Variants in MFHAS1 observed in about 807,000 individuals in gnomAD.
MFHAS1 encodes the protein malignant fibrous histiocytoma-amplified sequence 1.
MFHAS1 carries 50 observed loss-of-function variants against 70.4 expected under a neutral mutation model. The ratio of observed to expected loss-of-function variants is 0.71; its 90% confidence interval spans 0.57 to 0.90. MFHAS1 has a LOEUF of 0.90. Ranked by LOEUF, MFHAS1 falls within the 40% of genes least tolerant of loss-of-function variation. The pLI, the probability that MFHAS1 is intolerant of heterozygous loss-of-function variation, is 0.00. For synonymous variants in MFHAS1, 952 were observed against 620.0 expected (o/e 1.54, Z -7.96); for missense variants, 1,795 against 1,347.6 (o/e 1.33, Z -5.20).
At chr8:8,874,373 C>CACACAT (rs929974916) in intron 1 of MFHAS1, among the ~76,000 whole-genome samples, 31 of 148,424 alleles carry the variant, frequency 2.1e-4, no homozygotes, top group East Asian at 1.6e-3. Context: ...CACACACACA[C>CACACAT]ATAATAATCT....
chr8:8,814,952 A>G (rs1453551241), intron 1 of MFHAS1, among the ~76,000 whole-genome samples: 1 of 151,104 alleles, frequency 6.6e-6, no homozygotes, highest in African/African-American at 2.4e-5. Context: ...TGCTGCATAG[A>G]TCAACCCATC....
chr8:8,786,439 A>G (rs1371927262), intron 2 of MFHAS1, among the ~76,000 whole-genome samples: 1 of 152,178 alleles, frequency 6.6e-6, no homozygotes, highest in African/African-American at 2.4e-5. Flanking sequence ...GCAGACACAC[A>G]CCAAATAATC....
chr8:8,825,433 A>T (rs1400009937), intron 1 of MFHAS1, among the ~76,000 whole-genome samples: 2 of 152,212 alleles, frequency 1.3e-5, no homozygotes, highest in South Asian at 2.1e-4. Context: ...TCAGCCTCCC[A>T]AAGTGCTGGG....
chr8:8,797,152 A>G (rs1379510360), intron 2 of MFHAS1, among the ~76,000 whole-genome samples: 1 of 44,512 alleles, frequency 2.2e-5, no homozygotes, highest in Non-Finnish European at 5.2e-5. Context: ...AGCTAAAGTA[A>G]AAAAAAAAAA....
intron 1 of MFHAS1, among the ~76,000 whole-genome samples, chr8:8,865,399 A>G (rs1339417466): frequency 6.6e-6 from 1 of 152,152 alleles, no homozygotes; most frequent in Non-Finnish European, 1.5e-5. Context: ...GGCAAAAATC[A>G]GAAACTCCTG....
At chr8:8,841,920 A>G (rs1021884771) in intron 1 of MFHAS1, among the ~76,000 whole-genome samples, 4 of 152,146 alleles carry the variant, frequency 2.6e-5, no homozygotes, top group Non-Finnish European at 4.4e-5. Flanking sequence ...AGAAAGAGGG[A>G]TGTGTGTTCT....
intron 1 of MFHAS1, among the ~76,000 whole-genome samples, chr8:8,815,277 T>C (rs1806699222): frequency 6.6e-6 from 1 of 152,194 alleles, no homozygotes; most frequent in South Asian, 2.1e-4. Context: ...TGATGGGCAT[T>C]TGGGTTGATT....
At chr8:8,851,033 A>C (rs1416098265) in intron 1 of MFHAS1, among the ~76,000 whole-genome samples, 1 of 152,132 alleles carries the variant, frequency 6.6e-6, no homozygotes, top group Non-Finnish European at 1.5e-5. Flanking sequence ...AATCTCCTCG[A>C]CTTTATCACC....
chr8:8,875,833 C>T (rs571341318), intron 1 of MFHAS1, among the ~76,000 whole-genome samples: 65 of 152,284 alleles, frequency 4.3e-4, no homozygotes, highest in Non-Finnish European at 6.6e-4. Flanking sequence ...GTGATCCGCC[C>T]GCCTCGGCCT....
At position 8,891,912 on chromosome 8, in the gene MFHAS1, C is replaced by G. The variant is rs144338243; in HGVS notation, c.1147G>C (p.Glu383Gln). 4 of 1,610,290 alleles carry G rather than the reference C, an allele frequency of 2.5e-6. No homozygotes were observed. Among genetic ancestry groups the G allele is most frequent in the Non-Finnish European group, 3.4e-6 (4 of 1,178,108 alleles). ...TAGGGGATCCCCTTCATGCAGACCT[C>G]GTAGGGGGGCTGGATCAGTGGGTTG... ...KDNPLIQPPY[E>Q]VCMKGIPYIA... Residue 383 changes from glutamate (E) to glutamine (Q), a missense_variant, in exon 1 of 3, where the codon GAG becomes CAG. Transcript: ENST00000276282. The surrounding 1 kb of genome is among the most constrained non-coding windows in gnomAD (Gnocchi z 5.4).
At chr8:8,846,217 C>G (rs977793770) in intron 1 of MFHAS1, among the ~76,000 whole-genome samples, 52 of 138,952 alleles carry the variant, frequency 3.7e-4, no homozygotes, top group Admixed American at 1.7e-3. Context: ...CATGCCACTG[C>G]ACTCCAGCCT....
At chr8:8,877,424 G>A (rs2050809601) in intron 1 of MFHAS1, among the ~76,000 whole-genome samples, 1 of 151,634 alleles carries the variant, frequency 6.6e-6, no homozygotes, top group African/African-American at 2.4e-5. Flanking sequence ...AACTTAAACA[G>A]CCCACAATAA....
intron 1 of MFHAS1, among the ~76,000 whole-genome samples, chr8:8,823,691 C>G (rs1807049412): frequency 6.6e-6 from 1 of 150,564 alleles, no homozygotes; most frequent in Non-Finnish European, 1.5e-5. Context: ...ATTCTCCCGT[C>G]TTCAGTCTTT....
Position 8,890,690 on chromosome 8 carries a change from T to C in MFHAS1, c.2369A>G (p.Glu790Gly), listed in dbSNP as rs1377328071. 2 of 1,613,634 alleles carry C rather than the reference T, an allele frequency of 1.2e-6. No individual in the cohort carries two copies. Among genetic ancestry groups the C allele is most frequent in the Admixed American group, 1.7e-5 (1 of 59,998 alleles). ...LRATQLHQYV[E>G]GFLLHGLLPA... ...CAAGAGCCCATGCAACAGAAAGCCCTCCACATACTGATGGAGCTGGGTGGC... is the reference window on the plus strand; with the variant it reads ...CAAGAGCCCATGCAACAGAAAGCCCCCCACATACTGATGGAGCTGGGTGGC... Residue 790 changes from glutamate (E) to glycine (G), a missense_variant, in exon 1 of 3, where the codon GAG becomes GGG. Transcript: ENST00000276282.
At chr8:8,860,019 C>T (rs1435285498) in intron 1 of MFHAS1, 2 of 152,182 alleles carry the variant, frequency 1.3e-5, no homozygotes, top group Non-Finnish European at 2.9e-5. Flanking sequence ...ATCTGAAACA[C>T]ATTTGGCTGG....
chr8:8,872,306 T>A (rs1208921694), intron 1 of MFHAS1, among the ~76,000 whole-genome samples: 1 of 152,190 alleles, frequency 6.6e-6, no homozygotes, highest in East Asian at 1.9e-4. Flanking sequence ...TGGGTTATGA[T>A]CTCGATGGAA....
chr8:8,834,097 G>A (rs1439106165), intron 1 of MFHAS1, among the ~76,000 whole-genome samples: 1 of 151,488 alleles, frequency 6.6e-6, no homozygotes, highest in Non-Finnish European at 1.5e-5. Context: ...CTGCACTCCA[G>A]CCTGGGCAAC....
chr8:8,880,925 T>C (rs1012592092), intron 1 of MFHAS1, among the ~76,000 whole-genome samples: 6 of 152,060 alleles, frequency 3.9e-5, no homozygotes, highest in African/African-American at 1.4e-4. Flanking sequence ...CCTCAAGTGA[T>C]CCACCTCCTC....
chr8:8,816,577 T>C (rs1806754006), intron 1 of MFHAS1, among the ~76,000 whole-genome samples: 1 of 152,260 alleles, frequency 6.6e-6, no homozygotes, highest in African/African-American at 2.4e-5. Context: ...TTATTTCATT[T>C]GTGCCTTACT....
Sources: allele counts gnomAD v4.1 joint callset (sites outside exome capture counted in the v4.1 genomes callset), GRCh38; gene constraint gnomAD v4.1.1; non-coding constraint Gnocchi (gnomAD v3.1); transcripts MANE v1.5; gene names NCBI Gene and HGNC (gene_info 2026-07-23, HGNC 2026-07-21).